The following SPTBN1 variants were observed in gnomAD, a reference collection of about 807,000 sequenced individuals.
The protein encoded by SPTBN1 is spectrin beta, non-erythrocytic 1.
A neutral mutation model predicts 266.4 loss-of-function variants in SPTBN1; 32 were observed. That is an observed-to-expected ratio of 0.12 (90% CI 0.09 to 0.16). SPTBN1 has a LOEUF of 0.16. SPTBN1 is among the 10% of genes least tolerant of loss of function. The pLI is 1.00. For missense variants in SPTBN1, 2,296 were observed against 3,067.1 expected (o/e 0.75, Z 5.94); for synonymous variants, 1,336 against 1,162.2 (o/e 1.15, Z -3.04).
At position 54,536,173 on chromosome 2, in the gene SPTBN1, G is replaced by C. The variant is rs1671589387; in HGVS notation, c.148+9607G>C. On this transcript the variant is annotated intron_variant, in intron 2 of 35. Transcript: ENST00000356805. ...ACTTACACAGTTAACCCCTTTGCCA[G>C]TTTTCTACCAAAGTGGACCTGTGAG... Among the ~76,000 whole-genome samples, 4 of 152,148 alleles carry C rather than the reference G, an allele frequency of 2.6e-5. No homozygotes were observed. The South Asian group carries it at 8.3e-4, about 32-fold the overall frequency.
At chr2:54,536,875 TA>T (rs912423756) in intron 2 of SPTBN1, among the ~76,000 whole-genome samples, 2 of 151,428 alleles carry the variant, frequency 1.3e-5, no homozygotes, top group Non-Finnish European at 2.9e-5. Flanking sequence ...CTCTGAAAAG[TA>T]AAAAAAATTA....
chr2:54,587,919 A>G (rs1675399245), intron 2 of SPTBN1, among the ~76,000 whole-genome samples: 1 of 152,214 alleles, frequency 6.6e-6, no homozygotes, highest in Non-Finnish European at 1.5e-5. Flanking sequence ...GCTTGTGGCT[A>G]CTGAGCATTA....
intron 3 of SPTBN1, among the ~76,000 whole-genome samples, chr2:54,607,186 C>G (rs1282931655): frequency 6.6e-6 from 1 of 152,030 alleles, no homozygotes; most frequent in East Asian, 1.9e-4. Context: ...TAACTGACTG[C>G]AGGTAGAAAA....
chr2:54,632,888 G>A, intron 17 of SPTBN1, 120 bp downstream of exon 17: 1 of 1,083,912 alleles, frequency 9.2e-7, no homozygotes. Flanking sequence ...GAATATGGGT[G>A]CCCAGCAGAA....
intron 2 of SPTBN1, among the ~76,000 whole-genome samples, chr2:54,594,645 C>T (rs1675930731): frequency 6.6e-6 from 1 of 152,082 alleles, no homozygotes; most frequent in East Asian, 1.9e-4. Context: ...GAAAAAAAGT[C>T]ATTTTCTTTC....
chr2:54,495,679 T>TTTTTTTTTTTTTTTTTTTTTTATACTC (rs1279259203), intron 1 of SPTBN1, among the ~76,000 whole-genome samples: 1 of 142,986 alleles, frequency 7.0e-6, no homozygotes, highest in Non-Finnish European at 1.5e-5. Flanking sequence ...GCATGTGTTT[T>TTTTTTTTTTTTTTTTTTTTTTATACTC]TACCTTTATT....
At chr2:54,563,948 A>G (rs1285000386) in intron 2 of SPTBN1, among the ~76,000 whole-genome samples, 4 of 152,108 alleles carry the variant, frequency 2.6e-5, no homozygotes, top group African/African-American at 9.7e-5. Context: ...ATCCATCTGT[A>G]TGAGGCTAGC....
intron 2 of SPTBN1, among the ~76,000 whole-genome samples, chr2:54,553,081 T>G (rs1672672581): frequency 6.6e-6 from 1 of 152,224 alleles, no homozygotes; most frequent in South Asian, 2.1e-4. Context: ...AAAAGGAGGC[T>G]TCATATAATT....
At chr2:54,524,934 CAT>C (rs1400396809) in intron 1 of SPTBN1, among the ~76,000 whole-genome samples, 1 of 144,908 alleles carries the variant, frequency 6.9e-6, no homozygotes, top group Non-Finnish European at 1.5e-5. Context: ...AAAATAGTCA[CAT>C]GACTCTGCTG....
chr2:54,589,192 C>G lies in SPTBN1; in HGVS notation c.149-9900C>G, dbSNP rs78600822. Among the ~76,000 whole-genome samples the G allele has an allele frequency of 7.8e-3, 1,193 of 152,294 alleles. 13 individuals carry two copies. Among genetic ancestry groups the G allele is most frequent in the South Asian group, 0.065 (312 of 4,822 alleles). On this transcript the variant is annotated intron_variant, in intron 2 of 35. Transcript: ENST00000356805. ...AAGAGGTAGTTGTGTTGCTTTGCCT[C>G]TTATTTTCGGAGAAAGCCCCCATCA...
intron 32 of SPTBN1, 95 bp downstream of exon 32, chr2:54,660,094 T>G (rs749485348): frequency 2.5e-6 from 4 of 1,612,172 alleles, no homozygotes; most frequent in Non-Finnish European, 3.4e-6. Flanking sequence ...TGAAGTTCAC[T>G]ACCATTTGTC....
chr2:54,462,864 A>G (rs1693434455), intron 1 of SPTBN1, among the ~76,000 whole-genome samples: 1 of 152,226 alleles, frequency 6.6e-6, no homozygotes, highest in African/African-American at 2.4e-5. Context: ...GAAAATCAGT[A>G]ATGGTACTCT....
intron 4 of SPTBN1, among the ~76,000 whole-genome samples, chr2:54,613,911 G>A (rs1259830225): frequency 6.6e-6 from 1 of 152,206 alleles, no homozygotes; most frequent in African/African-American, 2.4e-5. Flanking sequence ...AATAATCAGA[G>A]CGTGGAAGGC....
chr2:54,498,124 C>G (rs1573277307), intron 1 of SPTBN1, among the ~76,000 whole-genome samples: 1 of 152,164 alleles, frequency 6.6e-6, no homozygotes, highest in South Asian at 2.1e-4. Flanking sequence ...GGGATACATA[C>G]AGCATGGAGT....
intron 30 of SPTBN1, among the ~76,000 whole-genome samples, 153 bp from the exon 31 acceptor site, chr2:54,659,001 C>T (rs1680859720): frequency 2.6e-5 from 4 of 152,196 alleles, no homozygotes; most frequent in Admixed American, 2.6e-4. Flanking sequence ...TTCCTGTGAA[C>T]CTAATTCCAT....
intron 1 of SPTBN1, among the ~76,000 whole-genome samples, chr2:54,506,180 G>C (rs1669545702): frequency 1.3e-5 from 2 of 152,062 alleles, no homozygotes; most frequent in Non-Finnish European, 1.5e-5. Flanking sequence ...ATGCAAGACT[G>C]TATGTGTGCT....
At chr2:54,585,547 C>T (rs770459324) in intron 2 of SPTBN1, among the ~76,000 whole-genome samples, 1 of 152,160 alleles carries the variant, frequency 6.6e-6, no homozygotes, top group Admixed American at 6.5e-5. Flanking sequence ...TGAGGAAAGC[C>T]ACAAAGGAAA....
At position 54,671,024 on chromosome 2, in the gene SPTBN1, C is replaced by G. The variant is rs997961647; in HGVS notation, c.*2455C>G. The G allele has an allele frequency of 2.6e-6, 1 of 387,538 alleles. No individual in the cohort carries two copies. The highest frequency in any genetic ancestry group is 4.5e-6 in the Non-Finnish European group (1 of 219,880). 24.0% of individuals were successfully genotyped at this position (387,538 alleles called of 1,614,324 possible). A position where few individuals can be genotyped will look rare whatever the true frequency, so the allele number is the denominator to read the frequency against. Reference sequence around the variant, plus strand: ...TTGCATATTTCTTGTTGCCATAATGCTGTGCTATTTTACCCTGATTTTCAG... The same window carrying G: ...TTGCATATTTCTTGTTGCCATAATGGTGTGCTATTTTACCCTGATTTTCAG... On this transcript the variant is annotated 3_prime_UTR_variant, in exon 36 of 36. Coordinates refer to ENST00000356805, the MANE Select transcript of SPTBN1 (RefSeq NM_003128.3).
At position 54,629,280 on chromosome 2, in the gene SPTBN1, C is replaced by T. The variant is rs750448290; in HGVS notation, c.2146C>T (p.Arg716Cys). The T allele has an allele frequency of 3.0e-5, 48 of 1,613,918 alleles. No individual in the cohort carries two copies. In the South Asian group the frequency reaches 4.3e-4, roughly 14 times the overall value. Reference protein sequence around the residue: ...AEEHFGSEKIRERIIYIREQW... With the variant: ...AEEHFGSEKICERIIYIREQW... ...GGAGCACTTCGGGTCGGAGAAGATC[C>T]GTGAGAGGATCATTTACATCCGGGA... Residue 716 changes from arginine (R) to cysteine (C), a missense_variant, in exon 14 of 36, where the codon CGT becomes TGT. Around this residue, in one of 12 missense-constraint regions of SPTBN1, gnomAD observed 434 missense variants for 573.9 expected, o/e 0.76. Coordinates refer to ENST00000356805, the MANE Select transcript of SPTBN1 (RefSeq NM_003128.3).
Sources: gnomAD v4.1 joint callset for allele counts (sites outside exome capture counted in the v4.1 genomes callset) on GRCh38, gnomAD v4.1.1 for gene constraint, gnomAD v4.1.1 regional missense constraint, MANE v1.5 for transcripts, NCBI Gene and HGNC (gene_info 2026-07-23, HGNC 2026-07-21) for gene names.